The following TIMP3 variants were observed in gnomAD, a reference collection of about 807,000 sequenced individuals.
TIMP3 encodes metalloproteinase inhibitor 3.
A neutral mutation model predicts 30.0 loss-of-function variants in TIMP3; 11 were observed. That is an observed-to-expected ratio of 0.37 (90% confidence interval 0.23 to 0.61). TIMP3 has a LOEUF of 0.61. Ranked by LOEUF, TIMP3 falls within the 20% of genes least tolerant of loss-of-function variation. The probability of loss-of-function intolerance (pLI) is 0.70; values close to 1 mark genes in which losing one functional copy is unlikely to be tolerated. For synonymous variants in TIMP3, 112 were observed against 111.3 expected, an observed-to-expected ratio of 1.01 and a Z score of -0.04; for missense variants, 181 against 276.8, an observed-to-expected ratio of 0.65 and a Z score of 2.45.
chr22:32,806,263 C>T (rs532942473), intron 1 of TIMP3, among the ~76,000 whole-genome samples: 2 of 152,136 alleles, frequency 1.3e-5, no homozygotes, highest in African/African-American at 4.8e-5. Flanking sequence ...GTCCCTTTCA[C>T]AGTCCCTGGA....
At chr22:32,834,686 G>A (rs776859133) in intron 1 of TIMP3, among the ~76,000 whole-genome samples, 12 of 152,290 alleles carry the variant, frequency 7.9e-5, no homozygotes, top group Non-Finnish European at 1.5e-4. Flanking sequence ...TATCATTACA[G>A]CCCTCCTTCA....
chr22:32,834,147 C>G lies in TIMP3; in HGVS notation c.122-15305C>G, dbSNP rs78786422. Among the ~76,000 whole-genome samples the G allele has an allele frequency of 3.2e-3, 492 of 151,808 alleles. 5 individuals carry two copies. The highest frequency in any genetic ancestry group is 0.011 in the African/African-American group (457 of 41,424). ...GTTGGAGGTGTGCTTCAGGGACTAC[C>G]TGAGCCCAGCTTTTTTTTTTTTGAG... On this transcript the variant is annotated intron_variant, in intron 1 of 4. Coordinates refer to ENST00000266085, the MANE Select transcript of TIMP3 (RefSeq NM_000362.5).
chr22:32,814,107 CGTGTGTGTGTGTGTGTGTGT>C (rs130279), intron 1 of TIMP3, among the ~76,000 whole-genome samples: 5 of 97,676 alleles, frequency 5.1e-5, no homozygotes. Flanking sequence ...AGGCAATACT[CGTGTGTGTGTGTGTGTGTGT>C]GTGTGTGTGT....
chr22:32,857,432 A>G, intron 3 of TIMP3, 72 bp downstream of exon 3: 2 of 1,146,032 alleles, frequency 1.7e-6, no homozygotes. Flanking sequence ...AGAAGAACAC[A>G]TACGGAGTAG....
chr22:32,804,140 G>C (rs1196777540), intron 1 of TIMP3, among the ~76,000 whole-genome samples: 2 of 152,128 alleles, frequency 1.3e-5, no homozygotes, highest in African/African-American at 2.4e-5. Context: ...GGAGATTGTG[G>C]AATCAAAAAG....
intron 1 of TIMP3, among the ~76,000 whole-genome samples, chr22:32,823,864 C>T (rs1203050194): frequency 6.6e-6 from 1 of 152,162 alleles, no homozygotes; most frequent in South Asian, 2.1e-4. Flanking sequence ...TACATCCCCA[C>T]AGTGCCCTGC....
chr22:32,847,919 C>T (rs780874518), intron 1 of TIMP3, among the ~76,000 whole-genome samples: 2 of 152,210 alleles, frequency 1.3e-5, no homozygotes, highest in Non-Finnish European at 1.5e-5. Flanking sequence ...CATCACACCC[C>T]CTGATAGAGG....
At position 32,859,915 on chromosome 22, in the gene TIMP3, G is replaced by T. The variant is rs56131109; in HGVS notation, c.*538G>T. On this transcript the variant is annotated 3_prime_UTR_variant, in exon 5 of 5. Transcript: ENST00000266085. ...ATGTTATACACCAGGAGCTGCCACT[G>T]CATGTCCCAACCAGACTGTGTCTGT... is the stretch of plus-strand genomic sequence containing the variant. 0.013 allele frequency: 2,176 copies of T among 164,148 alleles called. 22 individuals are homozygous for T. The highest frequency in any genetic ancestry group is 0.021 in the Non-Finnish European group (1,575 of 75,404). The allele number at this position is 164,148 out of a possible 1,614,324, so 10.2% of individuals were successfully genotyped here. A position where few individuals can be genotyped will look rare whatever the true frequency, so the allele number is the denominator to read the frequency against.
At chr22:32,853,731 C>A (rs934880920) in intron 2 of TIMP3, among the ~76,000 whole-genome samples, 2 of 152,194 alleles carry the variant, frequency 1.3e-5, no homozygotes, top group Non-Finnish European at 1.5e-5. Flanking sequence ...CCTCTCCTTA[C>A]GAATTTCAGT....
intron 1 of TIMP3, among the ~76,000 whole-genome samples, chr22:32,809,062 T>C (rs1268175218): frequency 6.6e-6 from 1 of 152,170 alleles, no homozygotes; most frequent in East Asian, 1.9e-4. Flanking sequence ...ACAAACATAA[T>C]ACTGTAATTT....
In TIMP3 at chr22:32,861,169, A is replaced by G. The variant is rs886057445; in HGVS notation, c.*1792A>G. On this transcript the variant is annotated 3_prime_UTR_variant, in exon 5 of 5. Coordinates refer to ENST00000266085, the MANE Select transcript of TIMP3 (RefSeq NM_000362.5). ...AGGAAACAGAGCTGCCAATTGAAAC[A>G]GAAGAAGAAAAAAAAAAAAAGCAGC... 4 of 108,388 alleles carry G rather than the reference A, an allele frequency of 3.7e-5. No individual in the cohort carries two copies. The highest frequency in any genetic ancestry group is 7.3e-5 in the Non-Finnish European group (4 of 54,472). The allele number at this position is 108,388 out of a possible 1,614,324, so 6.7% of individuals were successfully genotyped here.
intron 1 of TIMP3, among the ~76,000 whole-genome samples, chr22:32,828,959 G>A (rs1468576921): frequency 6.6e-6 from 1 of 152,106 alleles, no homozygotes; most frequent in Non-Finnish European, 1.5e-5. Flanking sequence ...AGGATCTTGG[G>A]TACATTGGTC....
chr22:32,828,308 T>G (rs2047473717), intron 1 of TIMP3, among the ~76,000 whole-genome samples: 1 of 152,200 alleles, frequency 6.6e-6, no homozygotes, highest in African/African-American at 2.4e-5. Flanking sequence ...ACGGGGCCAC[T>G]TAGGAGCAGA....
At chr22:32,813,048 C>T (rs896390389) in intron 1 of TIMP3, among the ~76,000 whole-genome samples, 1 of 152,148 alleles carries the variant, frequency 6.6e-6, no homozygotes, top group Non-Finnish European at 1.5e-5. Context: ...CTCTTTTGGC[C>T]TGGATTTCCT....
intron 1 of TIMP3, among the ~76,000 whole-genome samples, chr22:32,834,494 G>T (rs1176533055): frequency 1.3e-5 from 2 of 152,078 alleles, no homozygotes; most frequent in African/African-American, 4.8e-5. Flanking sequence ...CCTCCCATGG[G>T]CAGGCAGAGT....
chr22:32,825,185 A>G (rs1004315900), intron 1 of TIMP3, among the ~76,000 whole-genome samples: 2 of 152,256 alleles, frequency 1.3e-5, no homozygotes, highest in Admixed American at 1.3e-4. Context: ...GGGAACTGAG[A>G]AACTGTGTCT....
At chr22:32,802,176 G>C in intron 1 of TIMP3, 54 bp downstream of exon 1, 1 of 1,543,544 alleles carries the variant, frequency 6.5e-7, no homozygotes, top group South Asian at 1.2e-5. Flanking sequence ...GGACTGCAGC[G>C]CTGCTTAGGG....
Position 32,840,848 on chromosome 22 carries a change from C to A in TIMP3, c.122-8604C>A, listed in dbSNP as rs898331264. ...TCCTTGCTTATATTGCTGAGCCTGC[C>A]TTACTTGAGTGTCATTGCTGGTCTC... On this transcript the variant is annotated intron_variant, in intron 1 of 4. Transcript: ENST00000266085. Among the ~76,000 whole-genome samples the A allele has an allele frequency of 2.0e-5, 3 of 152,186 alleles. No individual in the cohort carries two copies. The East Asian group carries it at 5.8e-4, about 29-fold the overall frequency.
intron 1 of TIMP3, among the ~76,000 whole-genome samples, chr22:32,821,587 T>C (rs2047247392): frequency 6.6e-6 from 1 of 152,130 alleles, no homozygotes; most frequent in Non-Finnish European, 1.5e-5. Context: ...AATCACAGAA[T>C]TAAGATGATC....
Sources: gnomAD v4.1 joint callset for allele counts (sites outside exome capture counted in the v4.1 genomes callset) on GRCh38, gnomAD v4.1.1 for gene constraint, MANE v1.5 for transcripts, NCBI Gene and HGNC (gene_info 2026-07-23, HGNC 2026-07-21) for gene names.